The following UNC13C variants were observed in gnomAD, a reference collection of about 807,000 sequenced individuals.
UNC13C encodes the protein unc-13 homolog C, also known as protein unc-13 homolog C.
Under a neutral mutation model 245.4 loss-of-function variants are expected in UNC13C, and 174 were observed. That is an observed-to-expected ratio of 0.71 (90% CI 0.63 to 0.80). The LOEUF is 0.80. UNC13C is among the 30% of genes least tolerant of loss of function. The probability of loss-of-function intolerance (pLI) is 0.00; values close to 1 mark genes in which losing one functional copy is unlikely to be tolerated. For missense variants in UNC13C, 2,829 were observed against 2,602.9 expected (o/e 1.09, Z -1.89); for synonymous variants, 992 against 895.1 (o/e 1.11, Z -1.93).
chr15:54,539,462 A>T (rs1896143695), intron 26 of UNC13C, among the ~76,000 whole-genome samples: 1 of 152,058 alleles, frequency 6.6e-6, no homozygotes, highest in African/African-American at 2.4e-5. Context: ...TCACTTTTAC[A>T]ACATAATTTT....
At chr15:53,839,505 A>C in the UNC13C span, among the ~76,000 whole-genome samples, 2 of 152,148 alleles carry the variant, frequency 1.3e-5, no homozygotes, top group African/African-American at 2.4e-5. Context: ...TAATTTTTTA[A>C]ATAAAATGTA....
intron 2 of UNC13C, among the ~76,000 whole-genome samples, chr15:54,033,363 T>G (rs773554982): frequency 6.6e-6 from 1 of 152,232 alleles, no homozygotes; most frequent in Non-Finnish European, 1.5e-5. Flanking sequence ...GGATATACCT[T>G]AGTTCCTAAT....
the UNC13C span, among the ~76,000 whole-genome samples, chr15:53,903,600 C>T: frequency 6.6e-6 from 1 of 152,170 alleles, no homozygotes; most frequent in African/African-American, 2.4e-5. Context: ...AGCGAGAATT[C>T]CCATAATCTC....
intron 2 of UNC13C, among the ~76,000 whole-genome samples, chr15:54,068,957 A>G (rs1037850744): frequency 1.3e-5 from 2 of 152,192 alleles, no homozygotes; most frequent in Non-Finnish European, 2.9e-5. Context: ...GATAAGTAGT[A>G]AGTCATATTA....
At chr15:54,028,813 C>G (rs1458478923) in intron 2 of UNC13C, among the ~76,000 whole-genome samples, 1 of 151,460 alleles carries the variant, frequency 6.6e-6, no homozygotes, top group East Asian at 2.0e-4. Context: ...GCCTCAGCCT[C>G]CCGAGTAGCT....
intron 1 of UNC13C, among the ~76,000 whole-genome samples, chr15:54,009,077 T>G (rs544719337): frequency 6.6e-6 from 1 of 152,270 alleles, no homozygotes; most frequent in East Asian, 1.9e-4. Flanking sequence ...ACCAACTCTT[T>G]CCCTAAAGCA....
chr15:54,553,477 T>G (rs765383754), intron 28 of UNC13C, among the ~76,000 whole-genome samples: 3 of 136,704 alleles, frequency 2.2e-5, no homozygotes, highest in Non-Finnish European at 3.1e-5. Context: ...AGAAAACATT[T>G]ATAATGTGTA....
At chr15:53,935,756 T>C in the UNC13C span, among the ~76,000 whole-genome samples, 1 of 151,728 alleles carries the variant, frequency 6.6e-6, no homozygotes, top group South Asian at 2.1e-4. Context: ...AGGTGGTGAG[T>C]GTTATGTGAC....
chr15:53,962,124 A>T, the UNC13C span, among the ~76,000 whole-genome samples: 1 of 152,134 alleles, frequency 6.6e-6, no homozygotes, highest in Non-Finnish European at 1.5e-5. Context: ...AATCCATGAC[A>T]TTGATGATAG....
chr15:53,940,067 G>T, the UNC13C span, among the ~76,000 whole-genome samples: 6 of 152,178 alleles, frequency 3.9e-5, no homozygotes, highest in African/African-American at 1.4e-4. Context: ...CTCCCTCTGT[G>T]TGGTCTGGAT....
At chr15:54,474,635 T>C (rs1250238650) in intron 19 of UNC13C, among the ~76,000 whole-genome samples, 1 of 152,124 alleles carries the variant, frequency 6.6e-6, no homozygotes, top group Non-Finnish European at 1.5e-5. Context: ...ATTCTATAGG[T>C]TATCTCTTCA....
chr15:53,893,612 G>A, the UNC13C span, among the ~76,000 whole-genome samples: 11,185 of 152,240 alleles, frequency 0.073, 501 homozygotes, highest in South Asian at 0.19. Flanking sequence ...AGTGGGCTCC[G>A]CCCAGTTTGA....
At chr15:53,965,841 T>G in the UNC13C span, among the ~76,000 whole-genome samples, 7 of 152,096 alleles carry the variant, frequency 4.6e-5, no homozygotes, top group African/African-American at 1.7e-4. Context: ...CTTGTGATAG[T>G]TTACTGAGAA....
intron 4 of UNC13C, among the ~76,000 whole-genome samples, chr15:54,220,070 A>G (rs1284373142): frequency 6.9e-6 from 1 of 144,100 alleles, no homozygotes; most frequent in Non-Finnish European, 1.5e-5. Context: ...TACAAATACC[A>G]TTTGACCCAG....
intron 19 of UNC13C, among the ~76,000 whole-genome samples, chr15:54,491,955 G>T (rs1213176653): frequency 6.6e-6 from 1 of 150,616 alleles, no homozygotes; most frequent in African/African-American, 2.4e-5. Flanking sequence ...TCACACCACT[G>T]CACTCCAGCC....
chr15:54,549,354 T>C (rs1333835436), intron 27 of UNC13C, among the ~76,000 whole-genome samples: 3 of 152,234 alleles, frequency 2.0e-5, no homozygotes, highest in Non-Finnish European at 4.4e-5. Context: ...AGATCACTGA[T>C]TTAATCCATA....
chr15:54,022,204 A>G (rs998455029), intron 2 of UNC13C, among the ~76,000 whole-genome samples: 3 of 152,222 alleles, frequency 2.0e-5, no homozygotes, highest in African/African-American at 7.2e-5. Flanking sequence ...CCTACCAACA[A>G]TGTACAAGAA....
At position 54,300,383 on chromosome 15, in the gene UNC13C, A is replaced by G; in HGVS notation, c.4268+10A>G. 1 of 1,560,904 alleles carries G rather than the reference A, an allele frequency of 6.4e-7. No homozygotes were observed. Among genetic ancestry groups the G allele is most frequent in the Non-Finnish European group, 8.7e-7 (1 of 1,150,850 alleles). On this transcript the variant is annotated intron_variant, in intron 13 of 32. Transcript: ENST00000260323. ...TTTATCAAGCTATGACGTAAGTACT[A>G]CAGAACATTTACATGGTCAATATCT... is the stretch of plus-strand genomic sequence containing the variant.
chr15:53,943,359 A>C, the UNC13C span, among the ~76,000 whole-genome samples: 1 of 152,148 alleles, frequency 6.6e-6, no homozygotes, highest in Non-Finnish European at 1.5e-5. Flanking sequence ...TTGACCACTT[A>C]CTTTTTCTCC....
Sources: allele counts gnomAD v4.1 joint callset (sites outside exome capture counted in the v4.1 genomes callset), GRCh38; gene constraint gnomAD v4.1.1; transcripts MANE v1.5; gene names NCBI Gene and HGNC (gene_info 2026-07-23, HGNC 2026-07-21).